CDYL: variants seen among roughly 807,000 people sequenced by gnomAD.
CDYL encodes the protein chromodomain Y-like protein.
In CDYL, 8 loss-of-function variants were observed where a neutral mutation model predicts 47.3. The ratio of observed to expected loss-of-function variants is 0.17; its 90% confidence interval spans 0.10 to 0.31. The LOEUF is 0.31. Among genes scored for constraint, CDYL ranks in the 10% least tolerant of loss-of-function variants. The pLI, the probability that CDYL is intolerant of heterozygous loss-of-function variation, is 1.00. For missense variants in CDYL, 471 were observed against 701.4 expected (o/e 0.67, Z 3.71); for synonymous variants, 266 against 265.0 (o/e 1.00, Z -0.04).
chr6:4,753,780 G>A (rs1758034118), intron 3 of CDYL, among the ~76,000 whole-genome samples: 1 of 152,190 alleles, frequency 6.6e-6, no homozygotes, highest in Non-Finnish European at 1.5e-5. Flanking sequence ...GCAGCTTCAG[G>A]AGAAACCTGG....
intron 3 of CDYL, among the ~76,000 whole-genome samples, chr6:4,756,580 A>ATGTGTGTGTGTGTGTGTG (rs4053260): frequency 7.7e-5 from 11 of 142,930 alleles, no homozygotes; most frequent in African/African-American, 2.8e-4. Flanking sequence ...TATCGTGTGT[A>ATGTGTGTGTGTGTGTGTG]TGTGTGTGTG....
chr6:4,945,510 C>G (rs1198957014), intron 5 of CDYL, among the ~76,000 whole-genome samples: 1 of 152,206 alleles, frequency 6.6e-6, no homozygotes, highest in Non-Finnish European at 1.5e-5. Context: ...AATGCTAAAA[C>G]ACTCACCCCC....
At chr6:4,811,122 T>C (rs906619772) in intron 1 of CDYL, among the ~76,000 whole-genome samples, 2 of 152,224 alleles carry the variant, frequency 1.3e-5, no homozygotes, top group Admixed American at 6.5e-5. Context: ...GTTGGCGTTA[T>C]AGAGGGGACA....
At chr6:4,853,708 A>G (rs1415234438) in intron 1 of CDYL, among the ~76,000 whole-genome samples, 1 of 152,222 alleles carries the variant, frequency 6.6e-6, no homozygotes, top group African/African-American at 2.4e-5. Context: ...GAAACAAAAC[A>G]AAACACCAGG....
chr6:4,788,741 G>A (rs73717731), intron 1 of CDYL, among the ~76,000 whole-genome samples: 5,074 of 151,078 alleles, frequency 0.034, 231 homozygotes, highest in African/African-American at 0.11. Context: ...ACCACCATTC[G>A]GCAGCAGAAG....
chr6:4,853,006 T>G (rs924060153), intron 1 of CDYL, among the ~76,000 whole-genome samples: 2 of 152,102 alleles, frequency 1.3e-5, no homozygotes, highest in Non-Finnish European at 2.9e-5. Flanking sequence ...CCCAGGCTGG[T>G]CTTGAACTCC....
chr6:4,926,586 C>T (rs879516147), intron 2 of CDYL, among the ~76,000 whole-genome samples: 1 of 152,134 alleles, frequency 6.6e-6, no homozygotes, highest in Non-Finnish European at 1.5e-5. Context: ...AGAATAATAT[C>T]CCAGACATTT....
chr6:4,743,413 C>G (rs987959984), intron 3 of CDYL, among the ~76,000 whole-genome samples: 3 of 152,174 alleles, frequency 2.0e-5, no homozygotes, highest in Non-Finnish European at 4.4e-5. Context: ...TGTTGGCAGG[C>G]AGGATAGCTC....
At position 4,719,994 on chromosome 6, in the gene CDYL, C is replaced by A. The variant is rs186410767; in HGVS notation, c.103+4113C>A. Among the ~76,000 whole-genome samples, 455 of 152,316 alleles carry A rather than the reference C, an allele frequency of 3.0e-3. 4 individuals carry two copies. The highest frequency in any genetic ancestry group is 0.01 in the African/African-American group (418 of 41,566). The stretch of plus-strand genomic sequence containing the variant: ...CCGTAGTCCATTTCAACGCTTATAG[C>A]AAATCAACATTGTGACCCAATAATT... On this transcript the variant is annotated intron_variant, in intron 2 of 8. Coordinates refer to the CDYL transcript ENST00000328908.
chr6:4,883,332 A>T (rs899272162), intron 1 of CDYL, among the ~76,000 whole-genome samples: 6 of 152,140 alleles, frequency 3.9e-5, no homozygotes, highest in African/African-American at 1.2e-4. Context: ...TGGTTCTCCC[A>T]GATTTTTGCA....
chr6:4,861,313 C>T (rs1353021785), intron 1 of CDYL, among the ~76,000 whole-genome samples: 1 of 152,210 alleles, frequency 6.6e-6, no homozygotes, highest in Non-Finnish European at 1.5e-5. Flanking sequence ...TAAGTTGTCT[C>T]AGGGCCAGGC....
At chr6:4,914,989 C>G (rs1207462856) in intron 2 of CDYL, among the ~76,000 whole-genome samples, 1 of 152,250 alleles carries the variant, frequency 6.6e-6, no homozygotes, top group Non-Finnish European at 1.5e-5. Context: ...CCTTTATTCA[C>G]TGTGCCCTGC....
intron 2 of CDYL, among the ~76,000 whole-genome samples, chr6:4,892,747 G>A (rs540582991): frequency 1.3e-5 from 2 of 152,308 alleles, no homozygotes; most frequent in Admixed American, 1.3e-4. Flanking sequence ...TCTTCTAAGT[G>A]TGGCCAGCAT....
chr6:4,822,190 C>T (rs1759859187), intron 1 of CDYL, among the ~76,000 whole-genome samples: 1 of 151,472 alleles, frequency 6.6e-6, no homozygotes. Context: ...TGGCGGGGGG[C>T]ATCTCACTGT....
intron 1 of CDYL, among the ~76,000 whole-genome samples, chr6:4,878,020 GA>G (rs1761664953): frequency 6.6e-6 from 1 of 152,078 alleles, no homozygotes; most frequent in Non-Finnish European, 1.5e-5. Context: ...TGCATCTATT[GA>G]AATATGGCTT....
At chr6:4,953,764 T>G in intron 6 of CDYL, 134 bp from the exon 7 acceptor site, 1 of 790,422 alleles carries the variant, frequency 1.3e-6, no homozygotes, top group Non-Finnish European at 2.0e-6. Context: ...CGACATATTG[T>G]GAGAAAATGT....
intron 1 of CDYL, among the ~76,000 whole-genome samples, chr6:4,862,451 C>T (rs1202731960): frequency 6.6e-6 from 1 of 152,072 alleles, no homozygotes; most frequent in Non-Finnish European, 1.5e-5. Context: ...TAATTTTTAC[C>T]TGAGCCTTAT....
rs538108979 is a variant in CDYL, at chr6:4,800,218, G to A, written c.24+23411G>A. Among the ~76,000 whole-genome samples, 5 of 152,124 alleles carry A rather than the reference G, an allele frequency of 3.3e-5. No homozygotes were observed. The East Asian group carries it at 9.7e-4, about 29-fold the overall frequency. On this transcript the variant is annotated intron_variant, in intron 1 of 6. Transcript: ENST00000397588. ...TTTTCTTAGGGAAGGGATTTTATTT[G>A]CTTTTGTTCCTCCTCTTTTGCTGAT...
At chr6:4,749,649 G>T (rs1000307013) in intron 3 of CDYL, among the ~76,000 whole-genome samples, 1 of 152,216 alleles carries the variant, frequency 6.6e-6, no homozygotes, top group Admixed American at 6.5e-5. Flanking sequence ...TTGTTTTAAA[G>T]AATTCTTGGT....
Sources: gnomAD v4.1 joint callset for allele counts (sites outside exome capture counted in the v4.1 genomes callset) on GRCh38, gnomAD v4.1.1 for gene constraint, MANE v1.5 for transcripts, NCBI Gene and HGNC (gene_info 2026-07-23, HGNC 2026-07-21) for gene names.